Variants in ROBO2 observed in about 807,000 individuals in gnomAD.
ROBO2 encodes the protein roundabout homolog 2.
In ROBO2, 53 loss-of-function variants were observed where a neutral mutation model predicts 160.8. That is an observed-to-expected ratio of 0.33 (90% CI 0.26 to 0.41). The LOEUF (loss-of-function observed/expected upper bound fraction) is 0.41, where lower values mean the gene tolerates loss of function less well. Among genes scored for constraint, ROBO2 ranks in the 10% least tolerant of loss-of-function variants. The probability of loss-of-function intolerance (pLI) is 1.00; values close to 1 mark genes in which losing one functional copy is unlikely to be tolerated. For missense variants in ROBO2, 1,577 were observed against 1,722.4 expected, an observed-to-expected ratio of 0.92 and a Z score of 1.49; for synonymous variants, 664 against 611.7, an observed-to-expected ratio of 1.09 and a Z score of -1.26.
At chr3:76,668,905 T>A (rs1216754706) in intron 2 of ROBO2, among the ~76,000 whole-genome samples, 1 of 152,068 alleles carries the variant, frequency 6.6e-6, no homozygotes, top group Non-Finnish European at 1.5e-5. Flanking sequence ...TCATCTTTCT[T>A]TGGAGGAAGA....
chr3:76,751,985 A>G (rs967074088), intron 2 of ROBO2, among the ~76,000 whole-genome samples: 1 of 152,162 alleles, frequency 6.6e-6, no homozygotes, highest in Non-Finnish European at 1.5e-5. Flanking sequence ...AAAAAGACAC[A>G]TGCACACGTA....
intron 2 of ROBO2, among the ~76,000 whole-genome samples, chr3:76,233,053 C>T (rs1704716972): frequency 6.6e-6 from 1 of 152,074 alleles, no homozygotes; most frequent in Admixed American, 6.6e-5. Context: ...GAGTATGGAA[C>T]CTTATTCTTC....
At chr3:75,956,066 G>A (rs1405084448) in intron 2 of ROBO2, among the ~76,000 whole-genome samples, 2 of 151,736 alleles carry the variant, frequency 1.3e-5, no homozygotes, top group African/African-American at 4.8e-5. Flanking sequence ...TTACATCACT[G>A]TTGGCACATG....
chr3:75,950,209 A>T (rs1423024745), intron 2 of ROBO2, among the ~76,000 whole-genome samples: 1 of 152,088 alleles, frequency 6.6e-6, no homozygotes, highest in Admixed American at 6.6e-5. Flanking sequence ...AGGAAAAATA[A>T]AACAAGAAAC....
At chr3:76,192,566 AC>A (rs1702066337) in intron 2 of ROBO2, among the ~76,000 whole-genome samples, 1 of 140,660 alleles carries the variant, frequency 7.1e-6, no homozygotes, top group African/African-American at 2.7e-5. Context: ...ACACACACAC[AC>A]ACACGTCATA....
intron 2 of ROBO2, among the ~76,000 whole-genome samples, chr3:76,883,503 G>A (rs189846587): frequency 2.0e-5 from 3 of 152,140 alleles, no homozygotes; most frequent in African/African-American, 4.8e-5. Flanking sequence ...AGGTGACTTC[G>A]GTATATTAAT....
At chr3:77,504,279 T>G (rs1054286170) in intron 5 of ROBO2, among the ~76,000 whole-genome samples, 1 of 152,212 alleles carries the variant, frequency 6.6e-6, no homozygotes, top group Non-Finnish European at 1.5e-5. Flanking sequence ...TATAGACATT[T>G]GAAACCTTTA....
chr3:77,294,309 T>G (rs867174818), intron 2 of ROBO2, among the ~76,000 whole-genome samples: 1 of 141,274 alleles, frequency 7.1e-6, no homozygotes, highest in Non-Finnish European at 1.5e-5. Flanking sequence ...AAATTGACGG[T>G]TAAACGGGTA....
rs889736923 is a variant in ROBO2, at chr3:76,342,808, T to G, written c.109+405206T>G. Among the ~76,000 whole-genome samples, 30 of 152,072 alleles carry G rather than the reference T, an allele frequency of 2.0e-4. 1 individual carries two copies. The highest frequency in any genetic ancestry group is 4.3e-4 in the Non-Finnish European group (29 of 67,996). ...TTAGAGGCCCACTTAATAGTAGGTA[T>G]AGATAGATTAATTAAAATCTATACC... On this transcript the variant is annotated intron_variant, in intron 2 of 26. Coordinates refer to the ROBO2 transcript ENST00000487694.
chr3:76,788,519 A>C (rs569117121), intron 2 of ROBO2, among the ~76,000 whole-genome samples: 2 of 151,588 alleles, frequency 1.3e-5, no homozygotes, highest in Admixed American at 6.6e-5. Flanking sequence ...ACTACATCAG[A>C]CTCAACTGTC....
chr3:76,992,081 G>T (rs1001702644), intron 2 of ROBO2, among the ~76,000 whole-genome samples: 1 of 151,860 alleles, frequency 6.6e-6, no homozygotes, highest in Non-Finnish European at 1.5e-5. Context: ...CATAGACCTT[G>T]TTCCAAGAAA....
intron 2 of ROBO2, among the ~76,000 whole-genome samples, chr3:76,458,723 A>G (rs2106716393): frequency 6.6e-6 from 1 of 152,330 alleles, no homozygotes; most frequent in East Asian, 1.9e-4. Context: ...TGGCCTCAGA[A>G]TCATGATAGG....
At chr3:76,189,681 A>G (rs186453211) in intron 2 of ROBO2, among the ~76,000 whole-genome samples, 198 of 152,236 alleles carry the variant, frequency 1.3e-3, no homozygotes, top group South Asian at 3.5e-3. Context: ...TAAATACTTT[A>G]TGCTCAGCAA....
intron 2 of ROBO2, among the ~76,000 whole-genome samples, chr3:77,278,800 A>G (rs1452285732): frequency 3.3e-5 from 5 of 152,142 alleles, no homozygotes; most frequent in Non-Finnish European, 7.4e-5. Flanking sequence ...TGGAGATAGT[A>G]GCAATAAGTA....
At position 76,096,162 on chromosome 3, in the gene ROBO2, G is replaced by C. The variant is rs1361254023; in HGVS notation, c.109+158560G>C. On this transcript the variant is annotated intron_variant, in intron 2 of 26. Coordinates refer to the ROBO2 transcript ENST00000487694. ...CATGTTCTGAGAATCCTGTGATTCT[G>C]GGCCATCTTCCATCACAGACCTCGA... Among the ~76,000 whole-genome samples the C allele has an allele frequency of 2.0e-5, 3 of 152,162 alleles. No individual in the cohort carries two copies. The East Asian group carries it at 5.8e-4, about 29-fold the overall frequency.
intron 2 of ROBO2, among the ~76,000 whole-genome samples, chr3:77,034,275 C>CGGAT (rs1559873582): frequency 6.7e-6 from 1 of 150,228 alleles, no homozygotes; most frequent in African/African-American, 2.4e-5. Flanking sequence ...TTGTCACTTA[C>CGGAT]GGATGACAAT....
chr3:76,127,294 T>G (rs2071026278), intron 2 of ROBO2, among the ~76,000 whole-genome samples: 1 of 152,112 alleles, frequency 6.6e-6, no homozygotes, highest in South Asian at 2.1e-4. Context: ...CACAAAGTTG[T>G]GTTCCTTTTC....
At chr3:77,393,707 A>T (rs2074982754) in intron 2 of ROBO2, among the ~76,000 whole-genome samples, 1 of 151,306 alleles carries the variant, frequency 6.6e-6, no homozygotes, top group Non-Finnish European at 1.5e-5. Flanking sequence ...TAAAGTTATT[A>T]CATTCTGCAC....
chr3:76,960,860 G>A (rs1260944436), intron 2 of ROBO2, among the ~76,000 whole-genome samples: 1 of 152,052 alleles, frequency 6.6e-6, no homozygotes, highest in East Asian at 1.9e-4. Flanking sequence ...AGCAAGGAAA[G>A]TAACAAAGAA....
Sources: allele counts gnomAD v4.1 joint callset (sites outside exome capture counted in the v4.1 genomes callset), GRCh38; gene constraint gnomAD v4.1.1; transcripts MANE v1.5; gene names NCBI Gene and HGNC (gene_info 2026-07-23, HGNC 2026-07-21).